Variants in DCDC2 observed in about 807,000 individuals in gnomAD.
DCDC2 encodes the protein doublecortin domain-containing protein 2.
Under a neutral mutation model 50.2 loss-of-function variants are expected in DCDC2, and 40 were observed. The observed-to-expected ratio is 0.80, with a 90% CI of 0.62 to 1.04. The LOEUF is 1.04. Ranked by LOEUF, DCDC2 falls within the 50% of genes least tolerant of loss-of-function variation. DCDC2 has a pLI of 0.00. For missense variants in DCDC2, 570 were observed against 581.9 expected (o/e 0.98, Z 0.21); for synonymous variants, 234 against 210.6 (o/e 1.11, Z -0.96).
chr6:24,291,871 A>G (rs1763760090), intron 4 of DCDC2, among the ~76,000 whole-genome samples: 1 of 152,192 alleles, frequency 6.6e-6, no homozygotes, highest in Non-Finnish European at 1.5e-5. Flanking sequence ...ACAGCCCTCA[A>G]CCAAAATATT....
rs556179517 is a variant in DCDC2 at position 24,252,116 on chromosome 6, C to T, written c.922+25933G>A. ...ACAAAGTAGTTAAGCTTTCCTGCCT[C>T]TGGATTTTTATTCTGGCAAATTCCC... On this transcript the variant is annotated intron_variant, in intron 7 of 9. Transcript: ENST00000378454. Among the ~76,000 whole-genome samples the T allele has an allele frequency of 2.9e-4, 44 of 152,256 alleles. No homozygotes were observed. The Middle Eastern group carries it at 0.01, about 35-fold the overall frequency.
At chr6:24,230,199 A>C (rs193060286) in intron 7 of DCDC2, among the ~76,000 whole-genome samples, 239 of 152,364 alleles carry the variant, frequency 1.6e-3, no homozygotes, top group African/African-American at 5.4e-3. Context: ...ACAAGCCAAA[A>C]TCACTGGTCT....
At chr6:24,342,747 C>A (rs1338027096) in intron 2 of DCDC2, among the ~76,000 whole-genome samples, 1 of 151,720 alleles carries the variant, frequency 6.6e-6, no homozygotes, top group Non-Finnish European at 1.5e-5. Flanking sequence ...AATCTTCACA[C>A]AATATCTTAA....
chr6:24,301,956 G>T lies in DCDC2; in HGVS notation c.425+12C>A. ...CCAATTTTAACTTGAAGTATAAAGG[G>T]TTTCAACTTACAAGATAGTGCACGG... On this transcript the variant is annotated intron_variant, in intron 3 of 9. Coordinates refer to ENST00000378454, the MANE Select transcript of DCDC2 (RefSeq NM_016356.5). The T allele has an allele frequency of 6.2e-7, 1 of 1,613,352 alleles. No individual in the cohort carries two copies. The highest frequency in any genetic ancestry group is 8.5e-7 in the Non-Finnish European group (1 of 1,179,728).
chr6:24,229,260 T>G (rs1391772375), intron 7 of DCDC2, among the ~76,000 whole-genome samples: 1 of 152,194 alleles, frequency 6.6e-6, no homozygotes, highest in Non-Finnish European at 1.5e-5. Flanking sequence ...CTTTTCCTGT[T>G]GTAGAAGCCA....
At chr6:24,265,488 C>G (rs1161629487) in intron 7 of DCDC2, among the ~76,000 whole-genome samples, 1 of 152,068 alleles carries the variant, frequency 6.6e-6, no homozygotes, top group African/African-American at 2.4e-5. Context: ...ATGGATCATT[C>G]TCAAGGATAG....
At position 24,301,736 on chromosome 6, in the gene DCDC2, A is replaced by C. The variant is rs750932143; in HGVS notation, c.536T>G (p.Leu179Arg). 2.5e-6 allele frequency: 4 copies of C among 1,614,152 alleles called. No homozygotes were observed. The highest frequency in any genetic ancestry group is 2.5e-6 in the Non-Finnish European group (3 of 1,180,024). Reference protein sequence around the residue: ...VLQMVTEKITLRSGAVHRLYT... With the variant: ...VLQMVTEKITRRSGAVHRLYT... ...ATACCTGTGAACAGCCCCGCTCCTC[A>C]GAGTGATTTTTTCTGTGACCATTTG... Residue 179 changes from leucine (L) to arginine (R), a missense_variant, in exon 4 of 10, where the codon CTG (leucine) becomes CGG (arginine). Physicochemically the swap from Leu to Arg is moderately radical, Grantham distance 102. Transcript: ENST00000378454.
intron 8 of DCDC2, 32 bp from the exon 9 acceptor site, chr6:24,178,664 T>A (rs757758321): frequency 1.3e-6 from 2 of 1,580,768 alleles, no homozygotes; most frequent in Non-Finnish European, 1.7e-6. Flanking sequence ...TGGATAAAAG[T>A]AAGAAGCATA....
chr6:24,211,511 T>C (rs746559881), intron 7 of DCDC2, among the ~76,000 whole-genome samples: 1 of 152,234 alleles, frequency 6.6e-6, no homozygotes, highest in Non-Finnish European at 1.5e-5. Flanking sequence ...TTAAGGTTGC[T>C]AAGCAGCTGA....
At chr6:24,347,222 A>G (rs190755782) in intron 2 of DCDC2, among the ~76,000 whole-genome samples, 1 of 152,352 alleles carries the variant, frequency 6.6e-6, no homozygotes, top group African/African-American at 2.4e-5. Flanking sequence ...CTTGAATCAA[A>G]GAAATCTGCC....
intron 2 of DCDC2, among the ~76,000 whole-genome samples, chr6:24,350,648 C>T (rs569163985): frequency 1.3e-5 from 2 of 152,026 alleles, no homozygotes; most frequent in Middle Eastern, 3.4e-3. Flanking sequence ...TTTTTTTGTG[C>T]TACTACGGCA....
At chr6:24,184,384 G>A (rs1243979103) in intron 8 of DCDC2, among the ~76,000 whole-genome samples, 1 of 151,908 alleles carries the variant, frequency 6.6e-6, no homozygotes, top group Non-Finnish European at 1.5e-5. Context: ...CCACCCTGGG[G>A]ACAACATGAT....
chr6:24,350,095 G>A (rs1025601218), intron 2 of DCDC2, among the ~76,000 whole-genome samples: 2 of 152,050 alleles, frequency 1.3e-5, no homozygotes, highest in Non-Finnish European at 2.9e-5. Context: ...CCCATCATGA[G>A]GCCATAAAGA....
chr6:24,357,255 G>A (rs1218655572), intron 1 of DCDC2: 5 of 529,998 alleles, frequency 9.4e-6, no homozygotes, highest in Non-Finnish European at 1.6e-5. Flanking sequence ...TCCTACTGCT[G>A]ACCCAAGTGA....
At chr6:24,239,396 C>T (rs1193195148) in intron 7 of DCDC2, among the ~76,000 whole-genome samples, 1 of 152,156 alleles carries the variant, frequency 6.6e-6, no homozygotes, top group Non-Finnish European at 1.5e-5. Flanking sequence ...AGATCAGAGC[C>T]TCTTCTCATT....
In DCDC2 at chr6:24,263,490, A is replaced by G. The variant is rs547622782; in HGVS notation, c.922+14559T>C. ...GAGCAAGCCCAATGAAATTCAAGAT[A>G]ACAGAGGAGGAAGTCAGAATCCTAT... On this transcript the variant is annotated intron_variant, in intron 7 of 9. Coordinates refer to ENST00000378454, the MANE Select transcript of DCDC2 (RefSeq NM_016356.5). Among the ~76,000 whole-genome samples the G allele has an allele frequency of 2.0e-5, 3 of 152,346 alleles. No individual in the cohort carries two copies. The East Asian group carries it at 5.8e-4, about 29-fold the overall frequency.
chr6:24,245,091 G>C (rs1762641868), intron 7 of DCDC2, among the ~76,000 whole-genome samples: 1 of 152,178 alleles, frequency 6.6e-6, no homozygotes, highest in Non-Finnish European at 1.5e-5. Flanking sequence ...CTACTCAGGT[G>C]GTTGAGGCAT....
chr6:24,200,679 G>A (rs1761565846), intron 8 of DCDC2, among the ~76,000 whole-genome samples: 2 of 152,088 alleles, frequency 1.3e-5, no homozygotes, highest in South Asian at 2.1e-4. Context: ...CGGGCTAAAC[G>A]CCCCAATTAA....
intron 7 of DCDC2, among the ~76,000 whole-genome samples, chr6:24,260,903 C>T (rs1342374421): frequency 1.3e-5 from 2 of 152,162 alleles, no homozygotes; most frequent in Non-Finnish European, 2.9e-5. Flanking sequence ...ACTGCTTATT[C>T]CAATATTGGA....
Sources: gnomAD v4.1 joint callset for allele counts (sites outside exome capture counted in the v4.1 genomes callset) on GRCh38, gnomAD v4.1.1 for gene constraint, MANE v1.5 for transcripts, NCBI Gene and HGNC (gene_info 2026-07-23, HGNC 2026-07-21) for gene names.